TENM2: variants seen among roughly 807,000 people sequenced by gnomAD.
The protein encoded by TENM2 is teneurin transmembrane protein 2.
Under a neutral mutation model 245.2 loss-of-function variants are expected in TENM2, and 52 were observed. That is an observed-to-expected ratio of 0.21 (90% CI 0.17 to 0.27). TENM2 has a LOEUF of 0.27. Among genes scored for constraint, TENM2 ranks in the 10% least tolerant of loss-of-function variants. TENM2 has a pLI of 1.00. For missense variants in TENM2, 3,046 were observed against 3,666.8 expected, an observed-to-expected ratio of 0.83 and a Z score of 4.37; for synonymous variants, 1,363 against 1,438.9, an observed-to-expected ratio of 0.95 and a Z score of 1.19.
intron 4 of TENM2, among the ~76,000 whole-genome samples, chr5:167,973,246 G>T (rs1781932438): frequency 6.6e-6 from 1 of 152,162 alleles, no homozygotes; most frequent in Admixed American, 6.5e-5. Flanking sequence ...GTATGTGAGG[G>T]CTCTGTCAGT....
At chr5:167,411,306 G>A (rs1762894450) in intron 2 of TENM2, among the ~76,000 whole-genome samples, 1 of 151,980 alleles carries the variant, frequency 6.6e-6, no homozygotes. Flanking sequence ...CTGAGGTACT[G>A]GATTTCCAAT....
At chr5:168,238,221 G>GAGAAGAAAAGAAAAGAGAAAAGAAAAGAA in intron 25 of TENM2, among the ~76,000 whole-genome samples, 1 of 24,368 alleles carries the variant, frequency 4.1e-5, no homozygotes. Context: ...GAGGGAGAGA[G>GAGAAGAAAAGAAAAGAGAAAAGAAAAGAA]AAGAAAAGAA....
intron 2 of TENM2, among the ~76,000 whole-genome samples, chr5:167,656,392 G>C (rs533733291): frequency 1.3e-5 from 2 of 152,154 alleles, no homozygotes; most frequent in Admixed American, 1.3e-4. Context: ...GGTCCCTGAG[G>C]TGTGAACAAT....
At chr5:167,458,285 G>A (rs1457212915) in intron 2 of TENM2, among the ~76,000 whole-genome samples, 3 of 151,650 alleles carry the variant, frequency 2.0e-5, no homozygotes, top group African/African-American at 7.2e-5. Context: ...TCAGGAGTTC[G>A]AGACCAGCTT....
chr5:167,957,643 A>G (rs1362657180), intron 4 of TENM2, among the ~76,000 whole-genome samples: 1 of 152,182 alleles, frequency 6.6e-6, no homozygotes. Context: ...ACACTGCTTT[A>G]GCTGTGTCCC....
intron 2 of TENM2, among the ~76,000 whole-genome samples, chr5:167,722,719 G>A (rs1007415717): frequency 1.3e-5 from 2 of 152,116 alleles, no homozygotes; most frequent in Non-Finnish European, 2.9e-5. Flanking sequence ...GGAGACTGCA[G>A]TGAGCCGAGA....
intron 2 of TENM2, among the ~76,000 whole-genome samples, chr5:167,792,585 C>A (rs139387641): frequency 6.6e-6 from 1 of 152,044 alleles, no homozygotes; most frequent in African/African-American, 2.4e-5. Context: ...CCTCGGGAGC[C>A]ACAAAGAGCA....
chr5:167,935,360 C>T (rs1778621464), intron 3 of TENM2, among the ~76,000 whole-genome samples: 1 of 152,102 alleles, frequency 6.6e-6, no homozygotes, highest in Non-Finnish European at 1.5e-5. Context: ...ATTTAGGAAC[C>T]CCCTGGAATC....
chr5:168,126,026 C>T (rs565520518), intron 11 of TENM2, among the ~76,000 whole-genome samples: 2 of 152,222 alleles, frequency 1.3e-5, no homozygotes, highest in Non-Finnish European at 1.5e-5. Context: ...ATGTCTGGCA[C>T]GTGCTTGTCC....
At chr5:167,449,668 A>G (rs1399459912) in intron 2 of TENM2, among the ~76,000 whole-genome samples, 1 of 152,082 alleles carries the variant, frequency 6.6e-6, no homozygotes, top group Non-Finnish European at 1.5e-5. Context: ...TGAAAAGAAA[A>G]GAAATGGGGC....
chr5:168,172,516 C>A (rs1415177440), intron 13 of TENM2, among the ~76,000 whole-genome samples: 1 of 152,130 alleles, frequency 6.6e-6, no homozygotes, highest in East Asian at 1.9e-4. Context: ...CTTGTCCAAG[C>A]TCCCACGGCG....
intron 2 of TENM2, among the ~76,000 whole-genome samples, chr5:167,525,113 C>G (rs1771021097): frequency 6.6e-6 from 1 of 152,178 alleles, no homozygotes; most frequent in Admixed American, 6.6e-5. Context: ...GTTGCCAAAT[C>G]AAGTGCATAA....
intron 2 of TENM2, among the ~76,000 whole-genome samples, chr5:167,563,898 A>G (rs1773742873): frequency 6.6e-6 from 1 of 152,202 alleles, no homozygotes. Context: ...AGGGTTTACC[A>G]TCTAGGTTTG....
At chr5:167,682,478 T>C (rs1339504531) in intron 2 of TENM2, among the ~76,000 whole-genome samples, 3 of 152,134 alleles carry the variant, frequency 2.0e-5, no homozygotes, top group Non-Finnish European at 4.4e-5. Context: ...TGCCTTTTCA[T>C]AGAAACTTAT....
intron 2 of TENM2, among the ~76,000 whole-genome samples, chr5:167,709,542 A>T (rs1758767417): frequency 6.6e-6 from 1 of 152,234 alleles, no homozygotes; most frequent in Non-Finnish European, 1.5e-5. Context: ...GTGGCGGTCC[A>T]GAAGCCCAGT....
chr5:167,441,546 C>A (rs1764882617), intron 2 of TENM2, among the ~76,000 whole-genome samples: 1 of 151,918 alleles, frequency 6.6e-6, no homozygotes, highest in Non-Finnish European at 1.5e-5. Context: ...CAGCTGAAAC[C>A]CAGAAATCCT....
At chr5:167,961,484 T>C (rs553941369) in intron 4 of TENM2, among the ~76,000 whole-genome samples, 11 of 152,272 alleles carry the variant, frequency 7.2e-5, no homozygotes, top group African/African-American at 2.6e-4. Context: ...TTTCTGGATA[T>C]AAATGCTACT....
chr5:167,453,273 A>C (rs1242800065), intron 2 of TENM2, among the ~76,000 whole-genome samples: 3 of 152,022 alleles, frequency 2.0e-5, no homozygotes, highest in Non-Finnish European at 2.9e-5. Flanking sequence ...AGACTCAAAA[A>C]TTCTCTTTCT....
At chr5:167,801,412 G>T (rs1015694929) in intron 2 of TENM2, among the ~76,000 whole-genome samples, 1 of 151,674 alleles carries the variant, frequency 6.6e-6, no homozygotes, top group Non-Finnish European at 1.5e-5. Context: ...ATATCCTAAT[G>T]GAACTAACAG....
Sources: allele counts gnomAD v4.1 joint callset (sites outside exome capture counted in the v4.1 genomes callset), GRCh38; gene constraint gnomAD v4.1.1; transcripts MANE v1.5; gene names NCBI Gene and HGNC (gene_info 2026-07-23, HGNC 2026-07-21).